KCNJ6: variants seen among roughly 807,000 people sequenced by gnomAD.
KCNJ6 encodes the protein G protein-activated inward rectifier potassium channel 2.
KCNJ6 carries 9 observed loss-of-function variants against 34.2 expected under a neutral mutation model. The observed-to-expected ratio is 0.26, with a 90% confidence interval of 0.16 to 0.46. The LOEUF is 0.46. Ranked by LOEUF, KCNJ6 falls within the 20% of genes least tolerant of loss-of-function variation. The pLI, the probability that KCNJ6 is intolerant of heterozygous loss-of-function variation, is 1.00. For missense variants in KCNJ6, 236 were observed against 531.3 expected, an observed-to-expected ratio of 0.44 and a Z score of 5.46; for synonymous variants, 196 against 207.1, an observed-to-expected ratio of 0.95 and a Z score of 0.46.
intron 3 of KCNJ6, among the ~76,000 whole-genome samples, chr21:37,656,408 C>T (rs1373845448): frequency 6.6e-6 from 1 of 152,166 alleles, no homozygotes; most frequent in Non-Finnish European, 1.5e-5. Flanking sequence ...GGGGCCTTCC[C>T]GGGCTGCAGC....
At chr21:37,642,427 G>A (rs530512379) in intron 3 of KCNJ6, among the ~76,000 whole-genome samples, 1 of 152,266 alleles carries the variant, frequency 6.6e-6, no homozygotes, top group East Asian at 1.9e-4. Flanking sequence ...AGTGGTTAAC[G>A]CTGTCAGAAA....
chr21:37,749,956 T>A (rs746458321), intron 2 of KCNJ6, among the ~76,000 whole-genome samples: 16 of 152,214 alleles, frequency 1.1e-4, no homozygotes, highest in Non-Finnish European at 1.6e-4. Flanking sequence ...CTGCAAAACA[T>A]CTAATGAGAG....
Position 37,623,238 on chromosome 21 carries a change from G to A in KCNJ6, c.*1921C>T, listed in dbSNP as rs1391193010. 1 of 152,230 alleles carries A rather than the reference G, an allele frequency of 6.6e-6. No individual in the cohort carries two copies. Among genetic ancestry groups the A allele is most frequent in the African/African-American group, 2.4e-5 (1 of 41,432 alleles). 9.4% of individuals were successfully genotyped at this position (152,230 alleles called of 1,614,324 possible). The stretch of plus-strand genomic sequence containing the variant: ...AGAGAGGCCCCGAGGTTATATTTAG[G>A]AGCCACTTTCCTTATCCTGGGACTT... On this transcript the variant is annotated 3_prime_UTR_variant, in exon 4 of 4. Coordinates refer to ENST00000609713, the MANE Select transcript of KCNJ6 (RefSeq NM_002240.5).
intron 2 of KCNJ6, among the ~76,000 whole-genome samples, chr21:37,769,412 T>TTTATTA (rs71198893): frequency 0.014 from 2,031 of 145,316 alleles, 21 homozygotes; most frequent in African/African-American, 0.025. Context: ...AGCCTTCAAT[T>TTTATTA]TTATTATTAT....
chr21:37,915,486 AAAGAC>A (rs1435356607), intron 1 of KCNJ6, among the ~76,000 whole-genome samples: 1 of 152,170 alleles, frequency 6.6e-6, no homozygotes, highest in Non-Finnish European at 1.5e-5. Flanking sequence ...TGCCTTCCAC[AAAGAC>A]AATAGGCTTT....
chr21:37,871,701 G>A (rs1476736271), intron 1 of KCNJ6, among the ~76,000 whole-genome samples: 2 of 152,216 alleles, frequency 1.3e-5, no homozygotes, highest in African/African-American at 4.8e-5. Context: ...CAGACAGATG[G>A]GTGGACTTCT....
chr21:37,875,475 C>A (rs935366423), intron 1 of KCNJ6, among the ~76,000 whole-genome samples: 16 of 152,108 alleles, frequency 1.1e-4, no homozygotes, highest in Admixed American at 9.2e-4. Flanking sequence ...GCAGCCAGGG[C>A]GCTAATCTTC....
chr21:37,751,809 G>A (rs1259988162), intron 2 of KCNJ6, among the ~76,000 whole-genome samples: 2 of 152,090 alleles, frequency 1.3e-5, no homozygotes, highest in Non-Finnish European at 2.9e-5. Context: ...CCCTATCTCG[G>A]GGTCTTTGAA....
intron 2 of KCNJ6, among the ~76,000 whole-genome samples, chr21:37,759,607 A>G (rs546859594): frequency 1.3e-5 from 2 of 152,230 alleles, no homozygotes; most frequent in East Asian, 1.9e-4. Context: ...GTCCTTGAGG[A>G]AGCCTCACAA....
intron 2 of KCNJ6, among the ~76,000 whole-genome samples, chr21:37,777,393 G>A (rs1424705247): frequency 1.3e-5 from 2 of 151,880 alleles, no homozygotes; most frequent in African/African-American, 4.8e-5. Context: ...ACTTTCCCTG[G>A]ACTCTCTGAT....
At chr21:37,743,002 G>A (rs769754483) in intron 2 of KCNJ6, among the ~76,000 whole-genome samples, 1 of 152,120 alleles carries the variant, frequency 6.6e-6, no homozygotes, top group Non-Finnish European at 1.5e-5. Flanking sequence ...ATAGACTAGC[G>A]AAATCCTCAG....
At chr21:37,870,441 C>A (rs1438722567) in intron 1 of KCNJ6, among the ~76,000 whole-genome samples, 1 of 152,128 alleles carries the variant, frequency 6.6e-6, no homozygotes, top group Non-Finnish European at 1.5e-5. Context: ...TGGCAAAGAC[C>A]CAAACCCATC....
chr21:37,843,153 T>C (rs2055489547), intron 1 of KCNJ6, among the ~76,000 whole-genome samples: 1 of 152,212 alleles, frequency 6.6e-6, no homozygotes. Flanking sequence ...CTTGAGTGTG[T>C]GTGTCACCAC....
At chr21:37,645,707 C>A (rs866094180) in intron 3 of KCNJ6, among the ~76,000 whole-genome samples, 4 of 152,152 alleles carry the variant, frequency 2.6e-5, no homozygotes, top group Middle Eastern at 6.8e-3. Context: ...GGGTGAGCAC[C>A]CAGTGGTATC....
intron 1 of KCNJ6, among the ~76,000 whole-genome samples, chr21:37,892,311 C>A (rs1047373429): frequency 3.3e-5 from 5 of 152,252 alleles, no homozygotes; most frequent in Admixed American, 3.3e-4. Flanking sequence ...TCTGCAGGAA[C>A]AGCACTGATG....
chr21:37,705,617 T>G (rs541403320), intron 3 of KCNJ6, among the ~76,000 whole-genome samples: 2 of 152,314 alleles, frequency 1.3e-5, no homozygotes, highest in South Asian at 4.1e-4. Flanking sequence ...GGTACAAGTA[T>G]CATTCCCATT....
At chr21:37,785,456 C>T (rs2055188495) in intron 2 of KCNJ6, among the ~76,000 whole-genome samples, 1 of 152,192 alleles carries the variant, frequency 6.6e-6, no homozygotes, top group Admixed American at 6.5e-5. Context: ...GTCTTAATGC[C>T]TGGGAATGAC....
chr21:37,634,781 C>G (rs921203633), intron 3 of KCNJ6, among the ~76,000 whole-genome samples: 3 of 142,348 alleles, frequency 2.1e-5, no homozygotes, highest in African/African-American at 7.9e-5. Context: ...TTTTTTCAGA[C>G]AGAGTCTCAC....
intron 2 of KCNJ6, among the ~76,000 whole-genome samples, chr21:37,734,103 C>T (rs1364267564): frequency 6.6e-6 from 1 of 152,186 alleles, no homozygotes; most frequent in Non-Finnish European, 1.5e-5. Context: ...GTTGTGTACC[C>T]TGAGGCTTTG....
Sources: gnomAD v4.1 joint callset for allele counts (sites outside exome capture counted in the v4.1 genomes callset) on GRCh38, gnomAD v4.1.1 for gene constraint, MANE v1.5 for transcripts, NCBI Gene and HGNC (gene_info 2026-07-23, HGNC 2026-07-21) for gene names.